Variants in RBFOX1 observed in about 807,000 individuals in gnomAD.
The protein encoded by RBFOX1 is RNA binding protein fox-1 homolog 1.
In RBFOX1, 8 loss-of-function variants were observed where a neutral mutation model predicts 57.7. The observed-to-expected ratio is 0.14, with a 90% CI of 0.08 to 0.25. The LOEUF is 0.25. Ranked by LOEUF, RBFOX1 falls within the 10% of genes least tolerant of loss-of-function variation. RBFOX1 has a pLI of 1.00. For synonymous variants in RBFOX1, 326 were observed against 222.4 expected (o/e 1.47, Z -4.15); for missense variants, 611 against 548.5 (o/e 1.11, Z -1.14).
rs570358262 is a variant in RBFOX1, at chr16:6,043,120, GAAAAAAAAAAAAAAAAAAAAAAAAAA to G, written c.-127+23145_-127+23170del. ...GCGACAGAGCAAGATTGTGTTTCCA[GAAAAAAAAAAAAAAAAAAAAAAAAAA>G]AAAAAAAAAAAAAAAAGATAAGGGG... On this transcript the variant is annotated intron_variant, in intron 1 of 15. Transcript: ENST00000550418. 4.6e-4 allele frequency among the ~76,000 whole-genome samples: 32 copies of G among 70,238 alleles called. 1 individual carries two copies. Among genetic ancestry groups the G allele is most frequent in the East Asian group, 1.6e-3 (3 of 1,856 alleles). 46.1% of individuals were successfully genotyped at this position (70,238 alleles called of 152,430 possible).
At chr16:7,101,901 G>T (rs768606059) in intron 4 of RBFOX1, among the ~76,000 whole-genome samples, 9 of 152,134 alleles carry the variant, frequency 5.9e-5, no homozygotes, top group Admixed American at 2.0e-4. Flanking sequence ...AAAGCATGGA[G>T]ACCAGGTGTT....
chr16:6,899,704 C>G (rs1051946257), intron 3 of RBFOX1, among the ~76,000 whole-genome samples: 1 of 152,318 alleles, frequency 6.6e-6, no homozygotes, highest in Non-Finnish European at 1.5e-5. Context: ...TTTTCTCGCC[C>G]ATGGAGGCTT....
At chr16:6,209,966 T>G (rs978413361) in intron 1 of RBFOX1, among the ~76,000 whole-genome samples, 5 of 152,186 alleles carry the variant, frequency 3.3e-5, no homozygotes, top group African/African-American at 4.8e-5. Flanking sequence ...TTTGTTTGTT[T>G]TTTTACTTTA....
intron 1 of RBFOX1, among the ~76,000 whole-genome samples, chr16:5,311,712 A>G (rs933079148): frequency 1.3e-5 from 2 of 152,144 alleles, no homozygotes; most frequent in East Asian, 1.9e-4. Context: ...AGAAATGTCT[A>G]TTCATGTCAT....
At chr16:7,430,864 A>C (rs550101798) in intron 4 of RBFOX1, among the ~76,000 whole-genome samples, 5 of 152,354 alleles carry the variant, frequency 3.3e-5, no homozygotes, top group Non-Finnish European at 4.4e-5. Flanking sequence ...CTTGGTTATC[A>C]TGAATATTAA....
chr16:5,322,900 G>C (rs965412262), intron 1 of RBFOX1, among the ~76,000 whole-genome samples: 3 of 152,048 alleles, frequency 2.0e-5, no homozygotes, highest in Admixed American at 2.0e-4. Context: ...TTTCTCTTCC[G>C]GCATGAATGG....
intron 3 of RBFOX1, among the ~76,000 whole-genome samples, chr16:6,662,322 A>G (rs1295180912): frequency 6.6e-6 from 1 of 152,182 alleles, no homozygotes; most frequent in African/African-American, 2.4e-5. Flanking sequence ...GGATATGTTA[A>G]TTAGCTTGGT....
chr16:5,270,130 A>G (rs774838078), intron 1 of RBFOX1: 14 of 271,052 alleles, frequency 5.2e-5, no homozygotes, highest in Non-Finnish European at 9.2e-5. Flanking sequence ...CCCTGTCTCT[A>G]CCAAAAATAT....
intron 4 of RBFOX1, among the ~76,000 whole-genome samples, chr16:7,141,324 G>A (rs1252307881): frequency 6.6e-6 from 1 of 152,158 alleles, no homozygotes; most frequent in East Asian, 1.9e-4. Context: ...ACCAGACACA[G>A]TGCTTGGTTC....
At chr16:5,786,319 A>T (rs1414408893) in intron 3 of RBFOX1, among the ~76,000 whole-genome samples, 3 of 152,000 alleles carry the variant, frequency 2.0e-5, no homozygotes, top group Non-Finnish European at 2.9e-5. Flanking sequence ...TGACCTCCCA[A>T]GTCCAGGATG....
At chr16:5,480,042 G>A (rs952507718) in intron 2 of RBFOX1, among the ~76,000 whole-genome samples, 1 of 152,136 alleles carries the variant, frequency 6.6e-6, no homozygotes, top group African/African-American at 2.4e-5. Flanking sequence ...GGGTCAGAAA[G>A]TGGTGTTCTG....
chr16:5,969,453 A>G (rs1490585973), intron 4 of RBFOX1, among the ~76,000 whole-genome samples: 1 of 148,754 alleles, frequency 6.7e-6, no homozygotes, highest in Non-Finnish European at 1.5e-5. Context: ...CTGGGATTAC[A>G]GGCACATGCC....
chr16:6,375,080 G>A (rs867399126), intron 2 of RBFOX1, among the ~76,000 whole-genome samples: 8 of 152,122 alleles, frequency 5.3e-5, no homozygotes, highest in Admixed American at 5.2e-4. Context: ...TAAAACGTTT[G>A]CAGGCTAATG....
chr16:6,187,098 A>G (rs547209422), intron 1 of RBFOX1, among the ~76,000 whole-genome samples: 52 of 152,322 alleles, frequency 3.4e-4, no homozygotes, highest in South Asian at 2.1e-3. Context: ...ATGCAACACT[A>G]TATCAGAGAG....
chr16:5,818,764 A>G (rs1211141928), intron 3 of RBFOX1, among the ~76,000 whole-genome samples: 1 of 152,198 alleles, frequency 6.6e-6, no homozygotes, highest in Non-Finnish European at 1.5e-5. Context: ...TGCTGCCTGC[A>G]GCTAATGTCT....
chr16:7,387,055 G>C (rs534462762), intron 4 of RBFOX1, among the ~76,000 whole-genome samples: 1 of 152,228 alleles, frequency 6.6e-6, no homozygotes, highest in East Asian at 1.9e-4. Context: ...CATATCCTTT[G>C]CCCACTTTTT....
At chr16:5,488,006 G>A (rs1331243339) in intron 2 of RBFOX1, among the ~76,000 whole-genome samples, 2 of 152,058 alleles carry the variant, frequency 1.3e-5, no homozygotes, top group East Asian at 3.8e-4. Flanking sequence ...GAAGATAATA[G>A]TGATGATGAT....
rs1488286369 is a variant in RBFOX1 at position 7,486,045 on chromosome 16, C to A, written c.28-32102C>A. On this transcript the variant is annotated intron_variant, in intron 4 of 15. Coordinates refer to ENST00000550418, the MANE Select transcript of RBFOX1 (RefSeq NM_018723.4). ...TTTACAGGAAAACACAATTTCTGATCCTTCTTCTGTGCTACCACTTGGTGT... is the reference window on the plus strand; with the variant it reads ...TTTACAGGAAAACACAATTTCTGATACTTCTTCTGTGCTACCACTTGGTGT... Among the ~76,000 whole-genome samples, 3 of 151,626 alleles carry A rather than the reference C, an allele frequency of 2.0e-5. 1 individual carries two copies. The highest frequency in any genetic ancestry group is 4.2e-4 in the South Asian group (2 of 4,806).
At chr16:6,660,003 G>A (rs147614390) in intron 3 of RBFOX1, among the ~76,000 whole-genome samples, 8 of 152,150 alleles carry the variant, frequency 5.3e-5, no homozygotes, top group African/African-American at 1.7e-4. Flanking sequence ...GGGTGAGGCG[G>A]CCTCCAAGAT....
Sources: gnomAD v4.1 joint callset for allele counts (sites outside exome capture counted in the v4.1 genomes callset) on GRCh38, gnomAD v4.1.1 for gene constraint, MANE v1.5 for transcripts, NCBI Gene and HGNC (gene_info 2026-07-23, HGNC 2026-07-21) for gene names.